Variants in ATAD1 observed in about 807,000 individuals in gnomAD.
The protein encoded by ATAD1 is ATPase family AAA domain containing 1.
A neutral mutation model predicts 42.7 loss-of-function variants in ATAD1; 18 were observed. The observed-to-expected ratio is 0.42, with a 90% CI of 0.29 to 0.63. The LOEUF (loss-of-function observed/expected upper bound fraction) is 0.63. ATAD1 is among the 20% of genes least tolerant of loss of function. The probability of loss-of-function intolerance (pLI) is 0.19; values close to 1 mark genes in which losing one functional copy is unlikely to be tolerated. For missense variants in ATAD1, 294 were observed against 440.4 expected, an observed-to-expected ratio of 0.67 and a Z score of 2.98; for synonymous variants, 132 against 143.1, an observed-to-expected ratio of 0.92 and a Z score of 0.55.
intron 2 of ATAD1, among the ~76,000 whole-genome samples, chr10:87,796,367 A>G (rs192472911): frequency 5.8e-4 from 88 of 152,336 alleles, no homozygotes; most frequent in African/African-American, 1.8e-3. Context: ...GGATAAATGT[A>G]TATCTTACTG....
In ATAD1 at chr10:87,751,939, C is replaced by T. The variant is rs772463319; in HGVS notation, c.*2748G>A. 1 of 152,160 alleles carries T rather than the reference C, an allele frequency of 6.6e-6. No individual in the cohort carries two copies. The highest frequency in any genetic ancestry group is 1.5e-5 in the Non-Finnish European group (1 of 68,038). The allele number at this position is 152,160 out of a possible 1,614,324, so 9.4% of individuals were successfully genotyped here. ...AATTCAAGTAAAAAATTCCTACCAA[C>T]GAGATGATGTTGCCACCATTTTTAC... is the stretch of plus-strand genomic sequence containing the variant. On this transcript the variant is annotated 3_prime_UTR_variant, in exon 10 of 10. Coordinates refer to ENST00000680024, the MANE Select transcript of ATAD1 (RefSeq NM_001321967.2).
chr10:87,831,937 A>G (rs1482268517), intron 1 of ATAD1, among the ~76,000 whole-genome samples: 1 of 152,164 alleles, frequency 6.6e-6, no homozygotes, highest in African/African-American at 2.4e-5. Flanking sequence ...TGAGGCACAG[A>G]GAAGTTAAGT....
upstream of ATAD1, among the ~76,000 whole-genome samples, chr10:87,821,461 G>T (rs1857630435): frequency 6.6e-6 from 1 of 152,100 alleles, no homozygotes; most frequent in Non-Finnish European, 1.5e-5. Context: ...GAATCCAGGA[G>T]GCAGAGGTTG....
intron 2 of ATAD1, among the ~76,000 whole-genome samples, chr10:87,802,355 C>T (rs182127008): frequency 6.6e-6 from 1 of 152,280 alleles, no homozygotes; most frequent in East Asian, 1.9e-4. Context: ...CACTTTCTGA[C>T]AGGCCCAGGA....
chr10:87,790,709 A>G (rs982018198), intron 3 of ATAD1, among the ~76,000 whole-genome samples: 42 of 152,192 alleles, frequency 2.8e-4, no homozygotes, highest in Non-Finnish European at 5.4e-4. Flanking sequence ...TTCCACTTGT[A>G]AGGAGAAAAT....
upstream of ATAD1, chr10:87,819,267 A>C (rs1223222861): frequency 3.6e-5 from 5 of 140,426 alleles, no homozygotes; most frequent in Non-Finnish European, 7.5e-5. Context: ...TCTCTACAAA[A>C]AAAAAAAAAA....
Position 87,803,163 on chromosome 10 carries a change from C to T in ATAD1, c.163-10408G>A, listed in dbSNP as rs941559261. On this transcript the variant is annotated intron_variant, in intron 2 of 9. Transcript: ENST00000680024. Reference sequence around the variant, plus strand: ...TTTGTTGTTTTTCTCCCTTCCTCCCCGTTTTCTCTTCACAAGACATGAGAC... The same window carrying T: ...TTTGTTGTTTTTCTCCCTTCCTCCCTGTTTTCTCTTCACAAGACATGAGAC... Among the ~76,000 whole-genome samples, 8 of 152,110 alleles carry T rather than the reference C, an allele frequency of 5.3e-5. No homozygotes were observed. The South Asian group carries it at 8.3e-4, about 16-fold the overall frequency.
At chr10:87,795,462 CTTG>C (rs1856338360) in intron 2 of ATAD1, among the ~76,000 whole-genome samples, 2 of 88,918 alleles carry the variant, frequency 2.2e-5, no homozygotes, top group South Asian at 5.5e-4. Flanking sequence ...CCATGGTTTG[CTTG>C]TTTTTTTTTT....
At position 87,767,641 on chromosome 10, in the gene ATAD1, G is replaced by T. The variant is rs547542202; in HGVS notation, c.831+32C>A. 2.8e-4 allele frequency: 438 copies of T among 1,566,096 alleles called. 3 individuals carry two copies. In the South Asian group the frequency reaches 4.9e-3, roughly 18 times the overall value. ...TAACTTTATGAACATCAGATTTATA[G>T]GACGGGGAAAAAATTTTTATTTTCT... On this transcript the variant is annotated intron_variant, in intron 8 of 9. Coordinates refer to ENST00000680024, the MANE Select transcript of ATAD1 (RefSeq NM_001321967.2).
chr10:87,812,271 ATATT>A lies in ATAD1; in HGVS notation c.162+2163_162+2166del, dbSNP rs900956502. On this transcript the variant is annotated intron_variant, in intron 2 of 9. Coordinates refer to ENST00000680024, the MANE Select transcript of ATAD1 (RefSeq NM_001321967.2). ...CAGAAGTCTTCAATTGGTCAACAGC[ATATT>A]TATTTATTTATTTATTTTTGAGATG... 2.1e-3 allele frequency among the ~76,000 whole-genome samples: 323 copies of A among 152,072 alleles called. 1 individual carries two copies. The highest frequency in any genetic ancestry group is 7.1e-3 in the African/African-American group (296 of 41,502).
chr10:87,782,766 G>A (rs1241157503), intron 5 of ATAD1, among the ~76,000 whole-genome samples: 1 of 152,116 alleles, frequency 6.6e-6, no homozygotes, highest in East Asian at 1.9e-4. Flanking sequence ...GGAGGCTGAG[G>A]CAGGAGGATC....
At chr10:87,787,653 A>G (rs1309171688) in intron 4 of ATAD1, among the ~76,000 whole-genome samples, 1 of 152,214 alleles carries the variant, frequency 6.6e-6, no homozygotes, top group Admixed American at 6.5e-5. Context: ...ACACAAATCT[A>G]AATTTGAGAT....
intron 8 of ATAD1, among the ~76,000 whole-genome samples, chr10:87,758,474 G>A (rs957688309): frequency 6.6e-6 from 1 of 152,044 alleles, no homozygotes; most frequent in Non-Finnish European, 1.5e-5. Flanking sequence ...CCAAATTTAT[G>A]AGTAATTACC....
rs370196756 is a variant in ATAD1, at chr10:87,752,424, A to T, written c.*2263T>A. 9.8e-5 allele frequency: 15 copies of T among 152,308 alleles called. No individual in the cohort carries two copies. In the East Asian group the frequency reaches 2.1e-3, roughly 22 times the overall value. 9.4% of individuals were successfully genotyped at this position (152,308 alleles called of 1,614,324 possible). On this transcript the variant is annotated 3_prime_UTR_variant, in exon 10 of 10. Coordinates refer to ENST00000680024, the MANE Select transcript of ATAD1 (RefSeq NM_001321967.2). Reference sequence around the variant, plus strand: ...ATATTAATACGACAGCTAACATTTGAGCAGTAATTCTGTGCCAGGCACTAT... The same window carrying T: ...ATATTAATACGACAGCTAACATTTGTGCAGTAATTCTGTGCCAGGCACTAT...
rs556104276 is a variant in ATAD1, at chr10:87,831,882, C to CA, written c.-14+9304dup. On this transcript the variant is annotated intron_variant, in intron 1 of 4. Transcript: ENST00000495903. ...TGCATATATCAACTCATGTAATTCT[C>CA]ATAAACCTGTAGTAAGTACTATAAT... 3.3e-3 allele frequency among the ~76,000 whole-genome samples: 507 copies of CA among 152,154 alleles called. 5 individuals are homozygous for CA. Among genetic ancestry groups the CA allele is most frequent in the South Asian group, 0.022 (104 of 4,820 alleles).
intron 8 of ATAD1, among the ~76,000 whole-genome samples, chr10:87,762,916 A>AT (rs202149805): frequency 0.29 from 38,709 of 133,688 alleles, 5,744 homozygotes; most frequent in Non-Finnish European, 0.33. Context: ...TAAAAAAAAA[A>AT]AAATATATAT....
In ATAD1 at chr10:87,816,499, T is replaced by C. The variant is rs540185819; in HGVS notation, c.-14+1668A>G. Among the ~76,000 whole-genome samples the C allele has an allele frequency of 1.5e-3, 235 of 152,288 alleles. 1 individual carries two copies. Among genetic ancestry groups the C allele is most frequent in the African/African-American group, 5.4e-3 (223 of 41,572 alleles). On this transcript the variant is annotated intron_variant, in intron 1 of 9. Transcript: ENST00000680024. ...ATCTATATATGACGCCCACTATATATTGGATATACAATAATTGTTAAGATA... is the reference window on the plus strand; with the variant it reads ...ATCTATATATGACGCCCACTATATACTGGATATACAATAATTGTTAAGATA...
intron 1 of ATAD1, chr10:87,841,102 T>C (rs1224632046): frequency 6.6e-6 from 1 of 152,110 alleles, no homozygotes; most frequent in Non-Finnish European, 1.5e-5. Context: ...CTGCTTCCAC[T>C]GTAGTGAAAG....
intron 4 of ATAD1, among the ~76,000 whole-genome samples, chr10:87,787,830 A>AT (rs1394362988): frequency 6.6e-6 from 1 of 152,238 alleles, no homozygotes; most frequent in African/African-American, 2.4e-5. Context: ...ATGGGTCTTT[A>AT]TAACAGAAAA....
Sources: allele counts gnomAD v4.1 joint callset (sites outside exome capture counted in the v4.1 genomes callset), GRCh38; gene constraint gnomAD v4.1.1; transcripts MANE v1.5; gene names NCBI Gene and HGNC (gene_info 2026-07-23, HGNC 2026-07-21).